PDE7A: variants seen among roughly 807,000 people sequenced by gnomAD.
PDE7A encodes phosphodiesterase 7A.
A neutral mutation model predicts 64.3 loss-of-function variants in PDE7A; 39 were observed. The ratio of observed to expected loss-of-function variants is 0.61; its 90% CI spans 0.47 to 0.79. PDE7A has a LOEUF of 0.79. Among genes scored for constraint, PDE7A ranks in the 30% least tolerant of loss-of-function variants. PDE7A has a pLI of 0.00. For synonymous variants in PDE7A, 203 were observed against 206.8 expected (o/e 0.98, Z 0.16); for missense variants, 470 against 582.8 (o/e 0.81, Z 1.99).
At chr8:65,806,759 T>C (rs1048856802) in intron 1 of PDE7A, among the ~76,000 whole-genome samples, 1 of 152,242 alleles carries the variant, frequency 6.6e-6, no homozygotes, top group Non-Finnish European at 1.5e-5. Flanking sequence ...CTTTTCCATG[T>C]GGCTGTCCAG....
intron 7 of PDE7A, among the ~76,000 whole-genome samples, chr8:65,732,954 T>G (rs1262820354): frequency 6.6e-6 from 1 of 152,074 alleles, no homozygotes; most frequent in Non-Finnish European, 1.5e-5. Context: ...AAGCAAGCCA[T>G]CCGCCTCAGC....
chr8:65,832,453 A>T (rs116032994), intron 1 of PDE7A, among the ~76,000 whole-genome samples: 2,101 of 152,278 alleles, frequency 0.014, 45 homozygotes, highest in African/African-American at 0.048. Flanking sequence ...ATTATCAAAA[A>T]TACTAATTTA....
intron 3 of PDE7A, among the ~76,000 whole-genome samples, chr8:65,762,328 G>T (rs531354886): frequency 1.3e-5 from 2 of 152,114 alleles, no homozygotes; most frequent in South Asian, 2.1e-4. Flanking sequence ...CATTTTCTTA[G>T]AAAAAAATTT....
intron 1 of PDE7A, among the ~76,000 whole-genome samples, chr8:65,785,149 TAAA>T (rs778746631): frequency 1.3e-5 from 2 of 152,042 alleles, no homozygotes; most frequent in Non-Finnish European, 2.9e-5. Flanking sequence ...CACAAGTTCT[TAAA>T]AAAACACAGT....
intron 12 of PDE7A, 114 bp from the exon 13 acceptor site, chr8:65,719,609 A>G: frequency 2.9e-6 from 2 of 691,816 alleles, no homozygotes. Flanking sequence ...CCCAGATCTT[A>G]TTCTTCAAAA....
intron 3 of PDE7A, among the ~76,000 whole-genome samples, chr8:65,762,991 ATGTGTG>A (rs34371328): frequency 0.076 from 10,479 of 138,492 alleles, 514 homozygotes; most frequent in African/African-American, 0.15. Context: ...TATAAAAACA[ATGTGTG>A]TGTGTGTGTG....
At chr8:65,840,737 T>C (rs1811060178) in intron 1 of PDE7A, among the ~76,000 whole-genome samples, 1 of 152,248 alleles carries the variant, frequency 6.6e-6, no homozygotes, top group South Asian at 2.1e-4. Flanking sequence ...TGTACATCAG[T>C]AGTTTCTCTC....
At chr8:65,783,531 C>T (rs1379221235) in intron 1 of PDE7A, among the ~76,000 whole-genome samples, 1 of 152,092 alleles carries the variant, frequency 6.6e-6, no homozygotes, top group African/African-American at 2.4e-5. Flanking sequence ...GACAAAGCAT[C>T]ATCTCTTCAG....
chr8:65,787,832 A>T (rs1483174760), intron 1 of PDE7A, among the ~76,000 whole-genome samples: 2 of 152,162 alleles, frequency 1.3e-5, no homozygotes, highest in Non-Finnish European at 2.9e-5. Context: ...CAAGACAACT[A>T]ATGCATTATT....
chr8:65,790,469 A>T (rs1280011535), intron 1 of PDE7A, among the ~76,000 whole-genome samples: 1 of 152,234 alleles, frequency 6.6e-6, no homozygotes, highest in South Asian at 2.1e-4. Context: ...AGACAACGTC[A>T]TCTGATTATC....
At chr8:65,782,317 G>A (rs62507645) in intron 2 of PDE7A, among the ~76,000 whole-genome samples, 1 of 152,120 alleles carries the variant, frequency 6.6e-6, no homozygotes, top group Non-Finnish European at 1.5e-5. Context: ...TTACCTTGCG[G>A]AATTGACTAA....
chr8:65,826,401 T>C (rs1349090900), intron 1 of PDE7A, among the ~76,000 whole-genome samples: 1 of 152,234 alleles, frequency 6.6e-6, no homozygotes, highest in African/African-American at 2.4e-5. Flanking sequence ...CTATGGAGGC[T>C]GGTTTCAACT....
In PDE7A at chr8:65,716,479, A is replaced by C. The variant is rs1419383899; in HGVS notation, c.*2811T>G. Among the ~76,000 whole-genome samples the C allele has an allele frequency of 6.6e-6, 1 of 152,098 alleles. No individual in the cohort carries two copies. Among genetic ancestry groups the C allele is most frequent in the Non-Finnish European group, 1.5e-5 (1 of 68,012 alleles). On this transcript the variant is annotated 3_prime_UTR_variant, in exon 13 of 13. Transcript: ENST00000401827. ...TGGCAGAGAATCTCTAGCACCTTCCAGGGGAAGAGGGTACCCTGGTCCACA... is the reference window on the plus strand; with the variant it reads ...TGGCAGAGAATCTCTAGCACCTTCCCGGGGAAGAGGGTACCCTGGTCCACA...
chr8:65,803,557 C>T lies in PDE7A; in HGVS notation c.139-20714G>A, dbSNP rs57282350. On this transcript the variant is annotated intron_variant, in intron 1 of 12. Transcript: ENST00000401827. ...ACAAATTTACTTTCAGGAGACAAGA[C>T]ATGGCTGGAATAGGTGGTGTTTAAT... 4.8e-3 allele frequency among the ~76,000 whole-genome samples: 725 copies of T among 152,262 alleles called. 8 individuals carry two copies. Among genetic ancestry groups the T allele is most frequent in the African/African-American group, 0.017 (692 of 41,550 alleles).
intron 1 of PDE7A, among the ~76,000 whole-genome samples, chr8:65,806,306 A>G (rs1188658761): frequency 6.6e-6 from 1 of 152,198 alleles, no homozygotes; most frequent in African/African-American, 2.4e-5. Context: ...GTACATATTC[A>G]CTTTGTAAAT....
rs1465117505 is a variant in PDE7A at position 65,716,025 on chromosome 8, A to T, written c.*3265T>A. Reference sequence around the variant, plus strand: ...AAAAAAAAAAAAAAAAAAAAAAAAAATTAGCTGGGTGGTGTGGTGGCACTC... The same window carrying T: ...AAAAAAAAAAAAAAAAAAAAAAAAATTTAGCTGGGTGGTGTGGTGGCACTC... On this transcript the variant is annotated 3_prime_UTR_variant, in exon 13 of 13. Transcript: ENST00000401827. Among the ~76,000 whole-genome samples the T allele has an allele frequency of 2.4e-5, 3 of 124,586 alleles. No homozygotes were observed. Among genetic ancestry groups the T allele is most frequent in the Non-Finnish European group, 5.4e-5 (3 of 55,366 alleles). The allele number at this position is 124,586 out of a possible 152,430, so 81.7% of individuals were successfully genotyped here.
intron 1 of PDE7A, among the ~76,000 whole-genome samples, chr8:65,800,868 C>A (rs1003443900): frequency 6.6e-6 from 1 of 152,212 alleles, no homozygotes; most frequent in Non-Finnish European, 1.5e-5. Flanking sequence ...TAGGTTCAAA[C>A]CCTCTCCATC....
At chr8:65,738,927 T>C (rs748804120) in intron 6 of PDE7A, among the ~76,000 whole-genome samples, 5 of 152,250 alleles carry the variant, frequency 3.3e-5, no homozygotes, top group Non-Finnish European at 5.9e-5. Context: ...ATCCACAATT[T>C]CCTGTATCTG....
chr8:65,739,667 TAC>T (rs1807320109), intron 5 of PDE7A, 70 bp from the exon 6 acceptor site: 1 of 1,302,124 alleles, frequency 7.7e-7, no homozygotes, highest in African/African-American at 1.5e-5. Context: ...TGCTTTGAAA[TAC>T]AGATTTTGAA....
Sources: allele counts gnomAD v4.1 joint callset (sites outside exome capture counted in the v4.1 genomes callset), GRCh38; gene constraint gnomAD v4.1.1; transcripts MANE v1.5; gene names NCBI Gene and HGNC (gene_info 2026-07-23, HGNC 2026-07-21).